The following ARMH3 variants were observed in gnomAD, a reference collection of about 807,000 sequenced individuals.
ARMH3 encodes the protein armadillo-like helical domain-containing protein 3.
A neutral mutation model predicts 99.1 loss-of-function variants in ARMH3; 60 were observed. That is an observed-to-expected ratio of 0.61 (90% confidence interval 0.49 to 0.75). The LOEUF is 0.75. Among genes scored for constraint, ARMH3 ranks in the 30% least tolerant of loss-of-function variants. ARMH3 has a pLI of 0.00. For missense variants in ARMH3, 679 were observed against 843.1 expected (o/e 0.81, Z 2.41); for synonymous variants, 285 against 292.8 (o/e 0.97, Z 0.27).
At chr10:101,927,396 G>A (rs2135642541) in intron 23 of ARMH3, among the ~76,000 whole-genome samples, 1 of 152,184 alleles carries the variant, frequency 6.6e-6, no homozygotes, top group South Asian at 2.1e-4. Flanking sequence ...TACCTACCTG[G>A]GACCAAGAGC....
At chr10:101,969,194 A>G (rs919690613) in intron 20 of ARMH3, among the ~76,000 whole-genome samples, 7 of 152,208 alleles carry the variant, frequency 4.6e-5, no homozygotes, top group Non-Finnish European at 8.8e-5. Flanking sequence ...GCAATGTTGT[A>G]GAGTTATATA....
chr10:102,053,965 C>T (rs1213714053), intron 1 of ARMH3, among the ~76,000 whole-genome samples: 3 of 152,160 alleles, frequency 2.0e-5, no homozygotes. Flanking sequence ...AAACAGTTCA[C>T]CCTTATATAT....
intron 8 of ARMH3, among the ~76,000 whole-genome samples, chr10:102,023,103 C>T (rs2066922574): frequency 6.6e-6 from 1 of 151,566 alleles, no homozygotes; most frequent in African/African-American, 2.4e-5. Context: ...AGGAGAATTG[C>T]TTGAAGCCGG....
intron 24 of ARMH3, among the ~76,000 whole-genome samples, chr10:101,888,818 T>C (rs2067617604): frequency 6.6e-6 from 1 of 152,220 alleles, no homozygotes; most frequent in Non-Finnish European, 1.5e-5. Flanking sequence ...TGTACTTTTA[T>C]ATAATGCAGA....
chr10:102,053,912 C>A (rs934866802), intron 1 of ARMH3, among the ~76,000 whole-genome samples: 6 of 152,150 alleles, frequency 3.9e-5, no homozygotes, highest in Admixed American at 2.0e-4. Flanking sequence ...CCGGCCTCCG[C>A]CTCCCAAAGT....
At chr10:102,047,135 TA>T (rs1340166694) in intron 1 of ARMH3, among the ~76,000 whole-genome samples, 5 of 152,202 alleles carry the variant, frequency 3.3e-5, no homozygotes, top group Non-Finnish European at 5.9e-5. Flanking sequence ...TCCAACATGG[TA>T]ATTTTTTTAA....
intron 19 of ARMH3, among the ~76,000 whole-genome samples, chr10:101,985,170 A>G (rs1195404877): frequency 6.7e-6 from 1 of 149,846 alleles, no homozygotes; most frequent in Non-Finnish European, 1.5e-5. Flanking sequence ...ATATACGTGT[A>G]CACATATATG....
intron 18 of ARMH3, 68 bp downstream of exon 18, chr10:101,991,901 T>G (rs1476588421): frequency 6.5e-6 from 9 of 1,394,468 alleles, no homozygotes; most frequent in Non-Finnish European, 2.0e-6. Context: ...CAGGTTCTAC[T>G]CTTCATCTTC....
chr10:102,046,484 C>A (rs2067555522), intron 1 of ARMH3, among the ~76,000 whole-genome samples: 1 of 152,024 alleles, frequency 6.6e-6, no homozygotes, highest in Non-Finnish European at 1.5e-5. Context: ...GAAACCCCAT[C>A]TCTACTAAAA....
chr10:101,939,725 GTACGACA>G, intron 23 of ARMH3, 131 bp downstream of exon 23: 1 of 603,846 alleles, frequency 1.7e-6, no homozygotes, highest in Non-Finnish European at 2.8e-6. Flanking sequence ...TCTTGATCAA[GTACGACA>G]ATTTTTCTTC....
At chr10:101,907,684 G>A (rs774913324) in intron 23 of ARMH3, among the ~76,000 whole-genome samples, 1 of 151,932 alleles carries the variant, frequency 6.6e-6, no homozygotes, top group Admixed American at 6.6e-5. Flanking sequence ...GTGCTGGGCC[G>A]GGATAATAGT....
chr10:101,890,217 CTCTT>C (rs1465345131), intron 23 of ARMH3, among the ~76,000 whole-genome samples: 3 of 150,326 alleles, frequency 2.0e-5, no homozygotes, highest in Non-Finnish European at 3.0e-5. Flanking sequence ...AGAGACAAAT[CTCTT>C]TTTTTCATAT....
chr10:101,988,576 G>A (rs6584467), intron 19 of ARMH3, among the ~76,000 whole-genome samples: 108,018 of 152,132 alleles, frequency 0.71, 39,854 homozygotes, highest in African/African-American at 0.92. Flanking sequence ...AGTAAAATTT[G>A]TATCATTATT....
chr10:101,885,820 G>A (rs1167455584), intron 24 of ARMH3, among the ~76,000 whole-genome samples: 3 of 151,804 alleles, frequency 2.0e-5, no homozygotes, highest in Non-Finnish European at 4.4e-5. Context: ...TTGGGAGCCC[G>A]AGGCGGGTGG....
intron 6 of ARMH3, among the ~76,000 whole-genome samples, chr10:102,024,800 C>T (rs894419629): frequency 3.4e-5 from 5 of 148,826 alleles, no homozygotes; most frequent in African/African-American, 9.9e-5. Context: ...GCCTGGGCGA[C>T]GGAGCAAGAC....
chr10:101,853,501 C>A (rs1307866861), intron 24 of ARMH3, among the ~76,000 whole-genome samples: 1 of 152,190 alleles, frequency 6.6e-6, no homozygotes, highest in Non-Finnish European at 1.5e-5. Flanking sequence ...TCTCCCAGAG[C>A]CTCTGCCTAA....
intron 22 of ARMH3, among the ~76,000 whole-genome samples, chr10:101,945,927 C>CA (rs1844498769): frequency 6.6e-6 from 1 of 150,574 alleles, no homozygotes; most frequent in African/African-American, 2.4e-5. Flanking sequence ...TACTAAAATA[C>CA]AAAAAATTAG....
intron 2 of ARMH3, among the ~76,000 whole-genome samples, chr10:102,035,793 GTGCCGAGAT>G (rs954693388): frequency 1.7e-4 from 26 of 152,238 alleles, no homozygotes; most frequent in Non-Finnish European, 3.2e-4. Flanking sequence ...GCCTCCCAAA[GTGCCGAGAT>G]TGCAGCCTCT....
intron 24 of ARMH3, among the ~76,000 whole-genome samples, chr10:101,872,219 G>C (rs1036683109): frequency 7.3e-5 from 11 of 151,354 alleles, no homozygotes; most frequent in African/African-American, 1.9e-4. Flanking sequence ...AAAATATTTA[G>C]AGAGTGTGTG....
Sources: gnomAD v4.1 joint callset for allele counts (sites outside exome capture counted in the v4.1 genomes callset) on GRCh38, gnomAD v4.1.1 for gene constraint, MANE v1.5 for transcripts, NCBI Gene and HGNC (gene_info 2026-07-23, HGNC 2026-07-21) for gene names.